Variants in MRPL42 observed in about 807,000 individuals in gnomAD.
The protein encoded by MRPL42 is large ribosomal subunit protein mL42.
In MRPL42, 17 loss-of-function variants were observed where a neutral mutation model predicts 17.9. That is an observed-to-expected ratio of 0.95 (90% CI 0.65 to 1.42). The LOEUF (loss-of-function observed/expected upper bound fraction) is 1.42. MRPL42 is among the 40% of genes most tolerant of loss of function. The pLI is 0.00. For missense variants in MRPL42, 177 were observed against 175.2 expected, an observed-to-expected ratio of 1.01 and a Z score of -0.06; for synonymous variants, 59 against 54.4, an observed-to-expected ratio of 1.08 and a Z score of -0.37.
chr12:93,497,853 C>G (rs1453254789), intron 5 of MRPL42, among the ~76,000 whole-genome samples: 1 of 151,388 alleles, frequency 6.6e-6, no homozygotes, highest in African/African-American at 2.4e-5. Flanking sequence ...CTATCTCACT[C>G]AGAAACACTC....
intron 5 of MRPL42, among the ~76,000 whole-genome samples, chr12:93,489,414 A>AT (rs1195402928): frequency 2.0e-5 from 3 of 152,094 alleles, no homozygotes; most frequent in African/African-American, 4.8e-5. Context: ...AATAAAAGTG[A>AT]TTTTTTTGTA....
chr12:93,484,376 A>G (rs1324893551), intron 4 of MRPL42, among the ~76,000 whole-genome samples: 3 of 152,162 alleles, frequency 2.0e-5, no homozygotes, highest in Non-Finnish European at 2.9e-5. Context: ...ATTTATTATT[A>G]TTATCAAGTA....
At chr12:93,474,285 T>A (rs1880056471) in intron 2 of MRPL42, among the ~76,000 whole-genome samples, 1 of 151,918 alleles carries the variant, frequency 6.6e-6, no homozygotes, top group South Asian at 2.1e-4. Context: ...TAATTTATAT[T>A]TTTTATTATT....
At chr12:93,492,225 C>T (rs1186942377) in intron 5 of MRPL42, among the ~76,000 whole-genome samples, 1 of 152,214 alleles carries the variant, frequency 6.6e-6, no homozygotes, top group African/African-American at 2.4e-5. Flanking sequence ...AACTAATTTA[C>T]ATTCCCACCA....
At chr12:93,474,309 T>A (rs79204746) in intron 2 of MRPL42, among the ~76,000 whole-genome samples, 1 of 152,094 alleles carries the variant, frequency 6.6e-6, no homozygotes, top group Non-Finnish European at 1.5e-5. Flanking sequence ...TTTTTTTTAA[T>A]AGAGATGGGG....
chr12:93,494,064 A>G (rs12833406), intron 5 of MRPL42, among the ~76,000 whole-genome samples: 16,792 of 136,690 alleles, frequency 0.12, 1,288 homozygotes, highest in East Asian at 0.2. Flanking sequence ...AAAAGAGGCC[A>G]TGTAGCCAGA....
intron 4 of MRPL42, among the ~76,000 whole-genome samples, chr12:93,481,579 C>T (rs1329455287): frequency 6.6e-6 from 1 of 152,206 alleles, no homozygotes. Flanking sequence ...CACACTTTCT[C>T]CAATACTGTT....
In MRPL42 at chr12:93,507,444, A is replaced by G. The variant is rs1465798193; in HGVS notation, c.*6223A>G. ...TTCAGTTTCTTTTAAGGATTTAATA[A>G]CTTGCTTATAAGTGTTTAAAATGAC... On this transcript the variant is annotated 3_prime_UTR_variant, in exon 6 of 6. Transcript: ENST00000549982. 1 of 152,208 alleles carries G rather than the reference A, an allele frequency of 6.6e-6. No individual in the cohort carries two copies. Among genetic ancestry groups the G allele is most frequent in the Non-Finnish European group, 1.5e-5 (1 of 68,042 alleles). The allele number at this position is 152,208 out of a possible 1,614,324, so 9.4% of individuals were successfully genotyped here.
intron 2 of MRPL42, among the ~76,000 whole-genome samples, chr12:93,476,286 G>A (rs1338344689): frequency 4.6e-5 from 7 of 151,832 alleles, no homozygotes; most frequent in South Asian, 2.1e-4. Flanking sequence ...TCCTGGGTTC[G>A]AGCAATTCTC....
intron 4 of MRPL42, among the ~76,000 whole-genome samples, chr12:93,482,157 C>T (rs1434286103): frequency 1.3e-5 from 2 of 152,214 alleles, no homozygotes; most frequent in Admixed American, 1.3e-4. Flanking sequence ...GCTCTCCACT[C>T]AGAGCTTTTG....
At chr12:93,476,707 A>G (rs1348880856) in intron 2 of MRPL42, among the ~76,000 whole-genome samples, 1 of 152,266 alleles carries the variant, frequency 6.6e-6, no homozygotes, top group Admixed American at 6.5e-5. Context: ...ATCTTTGCCA[A>G]TGTTTACCAT....
rs1592796123 is a variant in MRPL42, at chr12:93,514,713, CCTT to C, written c.*13496_*13498del. On this transcript the variant is annotated 3_prime_UTR_variant, in exon 6 of 6. Transcript: ENST00000549982. ...CCTATTTGAAAATATTTGTCATATT[CCTT>C]CTTATTTTTCTTTAAGCTTTATTTT... 3 of 152,046 alleles carry C rather than the reference CCTT, an allele frequency of 2.0e-5. No homozygotes were observed. The highest frequency in any genetic ancestry group is 2.4e-5 in the African/African-American group (1 of 41,406). 9.4% of individuals were successfully genotyped at this position (152,046 alleles called of 1,614,324 possible).
intron 2 of MRPL42, among the ~76,000 whole-genome samples, chr12:93,476,461 G>GCCTAT (rs1331771909): frequency 6.6e-6 from 1 of 152,172 alleles, no homozygotes; most frequent in African/African-American, 2.4e-5. Context: ...GAGCCACTGT[G>GCCTAT]CCTGGCCCCA....
In MRPL42 at chr12:93,490,937, C is replaced by G. The variant is rs188962254; in HGVS notation, c.383+3277C>G. ...ACAGAGTCTTGCTGTGTCGCCCAGGCTGGAGTGCAGTGGTGCCATCTCGGC... is the reference window on the plus strand; with the variant it reads ...ACAGAGTCTTGCTGTGTCGCCCAGGGTGGAGTGCAGTGGTGCCATCTCGGC... On this transcript the variant is annotated intron_variant, in intron 5 of 5. Transcript: ENST00000549982. Among the ~76,000 whole-genome samples, 747 of 152,266 alleles carry G rather than the reference C, an allele frequency of 4.9e-3. 8 individuals carry two copies. The highest frequency in any genetic ancestry group is 0.016 in the African/African-American group (672 of 41,544).
intron 1 of MRPL42, 101 bp from the exon 2 acceptor site, chr12:93,469,091 C>A: frequency 2.0e-6 from 1 of 496,082 alleles, no homozygotes. Context: ...AGCATTGCTT[C>A]AGTTGACTTC....
chr12:93,476,875 G>T, intron 2 of MRPL42, 79 bp from the exon 3 acceptor site: 1 of 1,306,848 alleles, frequency 7.7e-7, no homozygotes, highest in South Asian at 1.2e-5. Flanking sequence ...TTGGTTGAAT[G>T]AGTAAAACTA....
chr12:93,488,839 A>G (rs565376954), intron 5 of MRPL42, among the ~76,000 whole-genome samples: 1 of 150,150 alleles, frequency 6.7e-6, no homozygotes, highest in Admixed American at 6.6e-5. Flanking sequence ...TGTTGTTTAT[A>G]TTTGAACAAA....
At chr12:93,492,681 C>T (rs946597839) in intron 5 of MRPL42, among the ~76,000 whole-genome samples, 13 of 152,376 alleles carry the variant, frequency 8.5e-5, no homozygotes, top group African/African-American at 3.1e-4. Flanking sequence ...TCAGCATACA[C>T]TGTTCAATTA....
At chr12:93,490,806 C>T (rs1953397977) in intron 5 of MRPL42, among the ~76,000 whole-genome samples, 1 of 152,178 alleles carries the variant, frequency 6.6e-6, no homozygotes, top group African/African-American at 2.4e-5. Context: ...GAATGGGACT[C>T]ATTATGAATT....
Sources: gnomAD v4.1 joint callset for allele counts (sites outside exome capture counted in the v4.1 genomes callset) on GRCh38, gnomAD v4.1.1 for gene constraint, MANE v1.5 for transcripts, NCBI Gene and HGNC (gene_info 2026-07-23, HGNC 2026-07-21) for gene names.